Variants in VXN observed in about 807,000 individuals in gnomAD.
VXN encodes the protein uncharacterized protein C8orf46.
A neutral mutation model predicts 23.1 loss-of-function variants in VXN; 7 were observed. That is an observed-to-expected ratio of 0.30 (90% confidence interval 0.17 to 0.57). VXN has a LOEUF of 0.57. Ranked by LOEUF, VXN falls within the 20% of genes least tolerant of loss-of-function variation. VXN has a pLI of 0.91. For synonymous variants in VXN, 120 were observed against 105.8 expected (o/e 1.13, Z -0.83); for missense variants, 238 against 272.6 (o/e 0.87, Z 0.89).
chr8:66,502,497 T>C (rs1306106291), intron 2 of VXN, among the ~76,000 whole-genome samples: 2 of 152,152 alleles, frequency 1.3e-5, no homozygotes, highest in African/African-American at 2.4e-5. Flanking sequence ...CCTGTAATCC[T>C]AGCACTTTGG....
chr8:66,497,058 G>A (rs1460202322), intron 2 of VXN, among the ~76,000 whole-genome samples: 4 of 152,042 alleles, frequency 2.6e-5, no homozygotes, highest in Admixed American at 2.6e-4. Context: ...CTAATTTTTT[G>A]TATTTTAGTA....
In VXN at chr8:66,513,521, TC is replaced by T. The variant is rs757660645; in HGVS notation, c.343-16del. On this transcript the variant is annotated intron_variant, in intron 4 of 5. Transcript: ENST00000305454. ...AAGGCAGATGCATCCTCACACTCCC[TC>T]CCGCTTCCTCATGACAGATACCGCC... 3.1e-6 allele frequency: 5 copies of T among 1,609,766 alleles called. No individual in the cohort carries two copies. The African/African-American group carries it at 6.7e-5, about 22-fold the overall frequency.
chr8:66,505,125 C>A (rs554909376), intron 2 of VXN: 347 of 626,766 alleles, frequency 5.5e-4, no homozygotes, highest in Admixed American at 1.3e-3. Flanking sequence ...GAGGAACACC[C>A]CTGCCCGCTC....
chr8:66,505,271 C>A (rs1439305486), intron 2 of VXN, 104 bp from the exon 3 acceptor site: 1 of 1,431,862 alleles, frequency 7.0e-7, no homozygotes, highest in African/African-American at 1.4e-5. Flanking sequence ...GATCCAGAAA[C>A]TCCCTCGATG....
chr8:66,516,182 CA>C lies in VXN; in HGVS notation c.*109del, dbSNP rs1288348321. On this transcript the variant is annotated 3_prime_UTR_variant, in exon 6 of 6. Transcript: ENST00000305454. ...CACGCACCTCTGCTAGTAGCTGGTC[CA>C]AACCCATTATCCTCCCTCACTCATT... 1 of 1,017,060 alleles carries C rather than the reference CA, an allele frequency of 9.8e-7. No individual in the cohort carries two copies. Among genetic ancestry groups the C allele is most frequent in the Non-Finnish European group, 1.4e-6 (1 of 723,246 alleles). The allele number at this position is 1,017,060 out of a possible 1,614,324, so 63.0% of individuals were successfully genotyped here. A position where few individuals can be genotyped will look rare whatever the true frequency, so the allele number is the denominator to read the frequency against.
intron 5 of VXN, 77 bp downstream of exon 5, chr8:66,513,714 G>T: frequency 7.8e-7 from 1 of 1,281,466 alleles, no homozygotes; most frequent in Non-Finnish European, 1.1e-6. Flanking sequence ...AGAGCACCAG[G>T]CCGCCTGGTT....
At chr8:66,493,892 T>C (rs1050225317) in intron 1 of VXN, among the ~76,000 whole-genome samples, 174 bp downstream of exon 1, 1 of 152,030 alleles carries the variant, frequency 6.6e-6, no homozygotes, top group East Asian at 1.9e-4. Context: ...AGGATAAACA[T>C]CAATCACTGA....
chr8:66,509,997 T>C (rs1807803413), intron 3 of VXN, 99 bp from the exon 4 acceptor site: 1 of 1,155,566 alleles, frequency 8.7e-7, no homozygotes, highest in Admixed American at 1.7e-5. Context: ...AGAAATTCCC[T>C]GGCGTGGTTG....
At chr8:66,496,398 A>G (rs1386375119) in intron 1 of VXN, 39 bp from the exon 2 acceptor site, 1 of 1,600,922 alleles carries the variant, frequency 6.2e-7, no homozygotes, top group Admixed American at 1.7e-5. Flanking sequence ...AGCCTCGCTG[A>G]TGTTGTCTAA....
At chr8:66,493,839 G>A (rs1240187590) in intron 1 of VXN, 121 bp downstream of exon 1, 9 of 751,938 alleles carry the variant, frequency 1.2e-5, no homozygotes, top group African/African-American at 3.5e-5. Context: ...TGGACTCTCG[G>A]TTTTGATGGT....
At chr8:66,509,943 C>G (rs1807802974) in intron 3 of VXN, among the ~76,000 whole-genome samples, 153 bp from the exon 4 acceptor site, 1 of 152,150 alleles carries the variant, frequency 6.6e-6, no homozygotes, top group Non-Finnish European at 1.5e-5. Context: ...TGCCTTGTGG[C>G]CTGACCCTCC....
chr8:66,505,179 G>T, intron 2 of VXN, 196 bp from the exon 3 acceptor site: 2 of 783,352 alleles, frequency 2.6e-6, no homozygotes, highest in Middle Eastern at 2.2e-4. Flanking sequence ...TTGGCAGTCT[G>T]AAGTCAAATA....
At chr8:66,513,057 C>T (rs1281487445) in intron 4 of VXN, among the ~76,000 whole-genome samples, 7 of 152,144 alleles carry the variant, frequency 4.6e-5, no homozygotes. Flanking sequence ...GGTCACTGTC[C>T]CTTGAAGGCT....
chr8:66,513,459 C>T, intron 4 of VXN, 81 bp from the exon 5 acceptor site: 1 of 1,148,480 alleles, frequency 8.7e-7, no homozygotes, highest in South Asian at 1.2e-5. Flanking sequence ...ATTCAGTCCC[C>T]CCACTTGCAG....
intron 4 of VXN, 123 bp from the exon 5 acceptor site, chr8:66,513,414 AATG>A (rs1238906357): frequency 6.1e-6 from 5 of 816,778 alleles, no homozygotes; most frequent in Non-Finnish European, 6.3e-6. Context: ...ACACCTGCTG[AATG>A]ATGAGGACTA....
chr8:66,511,552 T>G (rs1389016419), intron 4 of VXN, among the ~76,000 whole-genome samples: 1 of 152,184 alleles, frequency 6.6e-6, no homozygotes, highest in Non-Finnish European at 1.5e-5. Flanking sequence ...GGGAAGATTA[T>G]CAGGCTATGA....
Position 66,493,582 on chromosome 8 carries a change from C to A in VXN, c.-67C>A. ...CCCTGAGCCAGACTGGATTAGGATGCCTCGCGACTAGGGGTCCAGAGACAG... is the reference window on the plus strand; with the variant it reads ...CCCTGAGCCAGACTGGATTAGGATGACTCGCGACTAGGGGTCCAGAGACAG... On this transcript the variant is annotated 5_prime_UTR_variant, in exon 1 of 6. Coordinates refer to ENST00000305454, the MANE Select transcript of VXN (RefSeq NM_152765.4). The A allele has an allele frequency of 7.4e-7, 1 of 1,344,314 alleles. No homozygotes were observed. Among genetic ancestry groups the A allele is most frequent in the Admixed American group, 1.7e-5 (1 of 59,284 alleles). 83.3% of individuals were successfully genotyped at this position (1,344,314 alleles called of 1,614,324 possible). A position where few individuals can be genotyped will look rare whatever the true frequency, so the allele number is the denominator to read the frequency against.
At chr8:66,495,666 A>G (rs914747833) in intron 1 of VXN, among the ~76,000 whole-genome samples, 1 of 152,228 alleles carries the variant, frequency 6.6e-6, no homozygotes, top group Non-Finnish European at 1.5e-5. Flanking sequence ...AAGAGTAGCT[A>G]TCTTGTGAAG....
chr8:66,515,989 C>T lies in VXN; in HGVS notation c.537C>T (p.Val179=). The part of the protein sequence containing the change: ...LPLTGSASCG[V]PGILRKMWTR... The stretch of plus-strand genomic sequence containing the variant: ...TGACAGGCAGTGCTTCCTGCGGCGT[C>T]CCCGGCATCCTCCGGAAAATGTGGA... The change falls in exon 6 of 6, where the codon GTC becomes GTT. Residue 179 remains valine, a synonymous_variant. Transcript: ENST00000305454. The T allele has an allele frequency of 6.2e-7, 1 of 1,613,714 alleles. No homozygotes were observed.
Sources: gnomAD v4.1 joint callset for allele counts (sites outside exome capture counted in the v4.1 genomes callset) on GRCh38, gnomAD v4.1.1 for gene constraint, MANE v1.5 for transcripts, NCBI Gene and HGNC (gene_info 2026-07-23, HGNC 2026-07-21) for gene names.